PCBP3: variants seen among roughly 807,000 people sequenced by gnomAD.
PCBP3 encodes the protein poly(rC)-binding protein 3.
In PCBP3, 25 loss-of-function variants were observed where a neutral mutation model predicts 52.7. The observed-to-expected ratio is 0.47, with a 90% CI of 0.35 to 0.66. The LOEUF is 0.66. PCBP3 is among the 30% of genes least tolerant of loss of function. The pLI is 0.01. For missense variants in PCBP3, 391 were observed against 490.3 expected, an observed-to-expected ratio of 0.80 and a Z score of 1.91; for synonymous variants, 162 against 183.0, an observed-to-expected ratio of 0.89 and a Z score of 0.93.
chr21:45,829,673 A>C lies in PCBP3; in HGVS notation c.-125-20288A>C, dbSNP rs2093398209. 6.6e-6 allele frequency: 1 copy of C among 152,282 alleles called. No homozygotes were observed. Among genetic ancestry groups the C allele is most frequent in the African/African-American group, 2.4e-5 (1 of 41,432 alleles). The allele number at this position is 152,282 out of a possible 1,614,324, so 9.4% of individuals were successfully genotyped here. ...CTGAAGAGCAAAGTTCTGAAGGACA[A>C]GTGGCTGTTAATGCCGTGCAGCTGG... On this transcript the variant is annotated intron_variant, in intron 4 of 17. Coordinates refer to ENST00000681687, the MANE Select transcript of PCBP3 (RefSeq NM_001384156.1). The surrounding 1 kb of genome is among the most constrained non-coding windows in gnomAD (Gnocchi z 5.2).
chr21:45,715,673 G>A (rs1422794201), intron 2 of PCBP3, among the ~76,000 whole-genome samples: 2 of 152,104 alleles, frequency 1.3e-5, no homozygotes, highest in Non-Finnish European at 1.5e-5. Flanking sequence ...GATTATTACC[G>A]TTCTAGTGAA....
intron 5 of PCBP3, among the ~76,000 whole-genome samples, chr21:45,868,248 G>C (rs1257927896): frequency 6.6e-6 from 1 of 152,202 alleles, no homozygotes; most frequent in African/African-American, 2.4e-5. Flanking sequence ...GGCACCTCCC[G>C]GTGTGGGTGC....
At chr21:45,779,196 C>T (rs2145998077) in intron 4 of PCBP3, among the ~76,000 whole-genome samples, 1 of 152,358 alleles carries the variant, frequency 6.6e-6, no homozygotes, top group South Asian at 2.1e-4. Flanking sequence ...ACTGAGGTCT[C>T]AGGGAGTTGT....
intron 4 of PCBP3, among the ~76,000 whole-genome samples, chr21:45,787,279 C>G (rs2091227523): frequency 6.6e-6 from 1 of 152,156 alleles, no homozygotes; most frequent in Non-Finnish European, 1.5e-5. Context: ...GGGTCTTGCT[C>G]TGTTGCCCAG....
chr21:45,653,724 T>C (rs2079835534), intron 1 of PCBP3, among the ~76,000 whole-genome samples: 1 of 152,198 alleles, frequency 6.6e-6, no homozygotes, highest in Non-Finnish European at 1.5e-5. Context: ...ACATTAAATG[T>C]AATTACTGAT....
chr21:45,657,654 G>A (rs1406070849), intron 1 of PCBP3, among the ~76,000 whole-genome samples: 1 of 150,102 alleles, frequency 6.7e-6, no homozygotes, highest in African/African-American at 2.4e-5. Context: ...TGATTTTTAG[G>A]TTTGGTTTGT....
intron 2 of PCBP3, among the ~76,000 whole-genome samples, chr21:45,726,413 GA>G (rs952277334): frequency 1.3e-5 from 2 of 152,120 alleles, no homozygotes; most frequent in African/African-American, 2.4e-5. Flanking sequence ...CCTGTGGCTG[GA>G]GCCCAGAAGA....
At chr21:45,896,712 A>G (rs13046528) in intron 6 of PCBP3, among the ~76,000 whole-genome samples, 3,217 of 49,458 alleles carry the variant, frequency 0.065, 111 homozygotes, top group East Asian at 0.24. Flanking sequence ...ACATAGAACC[A>G]GAGATGCACT....
intron 4 of PCBP3, among the ~76,000 whole-genome samples, chr21:45,816,021 A>AGTGAGTGGTGAGTG (rs1311847409): frequency 2.4e-5 from 1 of 40,938 alleles, no homozygotes; most frequent in Non-Finnish European, 4.7e-5. Flanking sequence ...AGTGGTGAGT[A>AGTGAGTGGTGAGTG]GTGAGTGGTG....
At chr21:45,811,685 T>TC (rs1189559715) in intron 4 of PCBP3, among the ~76,000 whole-genome samples, 4 of 152,262 alleles carry the variant, frequency 2.6e-5, no homozygotes, top group Non-Finnish European at 5.9e-5. Context: ...GTTGGCTTGC[T>TC]AGGATCAGTA....
chr21:45,910,310 G>A (rs78131185), intron 10 of PCBP3, among the ~76,000 whole-genome samples: 38,352 of 149,898 alleles, frequency 0.26, 5,179 homozygotes, highest in Middle Eastern at 0.38. Context: ...GGGACAGGGA[G>A]GAACTAGCTG....
Position 45,800,356 on chromosome 21 carries a change from C to T in PCBP3, c.-126+44904C>T, listed in dbSNP as rs2092247160. Among the ~76,000 whole-genome samples, 1 of 152,188 alleles carries T rather than the reference C, an allele frequency of 6.6e-6. No homozygotes were observed. The highest frequency in any genetic ancestry group is 1.5e-5 in the Non-Finnish European group (1 of 68,018). ...GCCTGTGCGCCCTGAGCCAGGCCTT[C>T]TGTGAAGTGCAGATGATGTCGCCTT... On this transcript the variant is annotated intron_variant, in intron 4 of 17. Transcript: ENST00000681687. This position sits in a 1 kb window ranked among gnomAD's most constrained non-coding sequence, Gnocchi z 5.3.
chr21:45,713,472 A>T lies in PCBP3; in HGVS notation c.-199-21920A>T, dbSNP rs554895225. 1.1e-4 allele frequency among the ~76,000 whole-genome samples: 16 copies of T among 152,322 alleles called. No homozygotes were observed. In the South Asian group the frequency reaches 3.3e-3, roughly 32 times the overall value. ...CCATACAGACACACCTCGTCTGTCC[A>T]TGCGGAGTTCTTACCTACCCAGGGC... On this transcript the variant is annotated intron_variant, in intron 2 of 17. Coordinates refer to ENST00000681687, the MANE Select transcript of PCBP3 (RefSeq NM_001384156.1).
chr21:45,912,180 GC>G (rs1219254025), intron 11 of PCBP3, among the ~76,000 whole-genome samples: 3 of 152,314 alleles, frequency 2.0e-5, no homozygotes, highest in African/African-American at 7.2e-5. Context: ...GGCTGCCCAT[GC>G]CCCCAGAGCC....
At chr21:45,893,228 A>G (rs1293711450) in intron 5 of PCBP3, among the ~76,000 whole-genome samples, 2 of 118,192 alleles carry the variant, frequency 1.7e-5, no homozygotes, top group African/African-American at 3.3e-5. Flanking sequence ...GCAGGGAGGG[A>G]GTGGGGAGGA....
chr21:45,849,408 G>A (rs192706355), intron 4 of PCBP3, among the ~76,000 whole-genome samples: 46 of 152,098 alleles, frequency 3.0e-4, no homozygotes, highest in Admixed American at 5.2e-4. Flanking sequence ...GTTTCACCAT[G>A]TTGCCCAGGC....
At chr21:45,696,379 TTAAG>T (rs1345663195) in intron 2 of PCBP3, among the ~76,000 whole-genome samples, 1 of 152,086 alleles carries the variant, frequency 6.6e-6, no homozygotes, top group African/African-American at 2.4e-5. Context: ...CAGAAGACCA[TTAAG>T]TGAGAGAAAT....
At position 45,741,624 on chromosome 21, in the gene PCBP3, G is replaced by A. The variant is rs909653445; in HGVS notation, c.-162+6195G>A. 6.6e-6 allele frequency among the ~76,000 whole-genome samples: 1 copy of A among 152,066 alleles called. No individual in the cohort carries two copies. Among genetic ancestry groups the A allele is most frequent in the African/African-American group, 2.4e-5 (1 of 41,384 alleles). ...GCCACTGCTTTTCATAAGCTTTATC[G>A]AATTATTTGCTTTTAAAAACTGTGT... On this transcript the variant is annotated intron_variant, in intron 3 of 17. Coordinates refer to ENST00000681687, the MANE Select transcript of PCBP3 (RefSeq NM_001384156.1). This position sits in a 1 kb window ranked among gnomAD's most constrained non-coding sequence, Gnocchi z 4.5.
At chr21:45,766,618 C>G (rs2089351225) in intron 4 of PCBP3, among the ~76,000 whole-genome samples, 1 of 152,186 alleles carries the variant, frequency 6.6e-6, no homozygotes, top group Non-Finnish European at 1.5e-5. Flanking sequence ...CTTTTTACCT[C>G]ACGGTTACAC....
Sources: allele counts gnomAD v4.1 joint callset (sites outside exome capture counted in the v4.1 genomes callset), GRCh38; gene constraint gnomAD v4.1.1; non-coding constraint Gnocchi (gnomAD v3.1); transcripts MANE v1.5; gene names NCBI Gene and HGNC (gene_info 2026-07-23, HGNC 2026-07-21).